The following PSME4 variants were observed in gnomAD, a reference collection of about 807,000 sequenced individuals.
The protein encoded by PSME4 is proteasome activator subunit 4.
A neutral mutation model predicts 253.9 loss-of-function variants in PSME4; 89 were observed. The ratio of observed to expected loss-of-function variants is 0.35; its 90% CI spans 0.30 to 0.42. The LOEUF is 0.42. Ranked by LOEUF, PSME4 falls within the 10% of genes least tolerant of loss-of-function variation. The pLI, the probability that PSME4 is intolerant of heterozygous loss-of-function variation, is 1.00. For missense variants in PSME4, 2,014 were observed against 2,195.2 expected, an observed-to-expected ratio of 0.92 and a Z score of 1.65; for synonymous variants, 851 against 759.2, an observed-to-expected ratio of 1.12 and a Z score of -1.99.
chr2:53,922,381 T>C, intron 17 of PSME4, 136 bp downstream of exon 17: 3 of 806,442 alleles, frequency 3.7e-6, no homozygotes, highest in Non-Finnish European at 2.0e-6. Flanking sequence ...CATATTCTGA[T>C]CTTCTGAAGC....
At chr2:53,967,184 T>C (rs1021018580) in intron 1 of PSME4, among the ~76,000 whole-genome samples, 3 of 152,202 alleles carry the variant, frequency 2.0e-5, no homozygotes, top group African/African-American at 7.2e-5. Context: ...CCTTGTGATG[T>C]GTTACATCAC....
intron 44 of PSME4, 24 bp downstream of exon 44, chr2:53,869,352 G>C: frequency 6.3e-7 from 1 of 1,580,152 alleles, no homozygotes; most frequent in Non-Finnish European, 8.7e-7. Flanking sequence ...ATAGGATACA[G>C]GTGTTTCCTA....
At chr2:53,949,018 T>C (rs1051806495) in intron 2 of PSME4, 125 bp downstream of exon 2, 5 of 1,252,770 alleles carry the variant, frequency 4.0e-6, no homozygotes, top group South Asian at 3.8e-5. Flanking sequence ...ATAATGTTTT[T>C]TGCAATCATT....
chr2:53,920,422 CA>C, intron 18 of PSME4, 72 bp from the exon 19 acceptor site: 1 of 1,366,556 alleles, frequency 7.3e-7, no homozygotes. Flanking sequence ...CATACATATA[CA>C]CAATTTTTAA....
chr2:53,869,710 T>G, intron 43 of PSME4, 172 bp from the exon 44 acceptor site: 1 of 450,798 alleles, frequency 2.2e-6, no homozygotes, highest in Admixed American at 3.7e-5. Context: ...CTCAAAGAGT[T>G]TGTGGCCTCA....
intron 11 of PSME4, among the ~76,000 whole-genome samples, 163 bp downstream of exon 11, chr2:53,927,950 AAAAT>A (rs988027256): frequency 6.6e-6 from 1 of 152,202 alleles, no homozygotes; most frequent in Non-Finnish European, 1.5e-5. Context: ...ACTCCGTCTC[AAAAT>A]AAATAAATAA....
rs117091627 is a variant in PSME4, at chr2:53,896,175, C to T, written c.3689-439G>A. On this transcript the variant is annotated intron_variant, in intron 32 of 46. Coordinates refer to ENST00000404125, the MANE Select transcript of PSME4 (RefSeq NM_014614.3). Reference sequence around the variant, plus strand: ...CTAAACTATGAGTATAAACTGTAGACATCATCTCAAATAATCAAAATACAA... The same window carrying T: ...CTAAACTATGAGTATAAACTGTAGATATCATCTCAAATAATCAAAATACAA... 1.0e-3 allele frequency among the ~76,000 whole-genome samples: 153 copies of T among 152,212 alleles called. 1 individual carries two copies. The East Asian group carries it at 0.018, about 18-fold the overall frequency.
rs569876587 is a variant in PSME4 at position 53,958,596 on chromosome 2, T to A, written c.243-9313A>T. On this transcript the variant is annotated intron_variant, in intron 1 of 46. Coordinates refer to ENST00000404125, the MANE Select transcript of PSME4 (RefSeq NM_014614.3). ...ATTCCTCTCCCAAGAGGCGCTTCCT[T>A]TAAAGTCAGATTCAGGACAATAATG... Among the ~76,000 whole-genome samples the A allele has an allele frequency of 7.9e-5, 12 of 152,296 alleles. 1 individual carries two copies. The highest frequency in any genetic ancestry group is 2.6e-4 in the African/African-American group (11 of 41,552).
At chr2:53,892,771 TAACAGGA>T (rs1341560613) in intron 36 of PSME4, 30 bp downstream of exon 36, 1 of 1,571,608 alleles carries the variant, frequency 6.4e-7, no homozygotes, top group Admixed American at 1.9e-5. Context: ...AACATAGCTT[TAACAGGA>T]AATGTTCTGT....
intron 18 of PSME4, 34 bp downstream of exon 18, chr2:53,920,855 T>C (rs530855559): frequency 1.3e-6 from 2 of 1,513,876 alleles, no homozygotes; most frequent in Admixed American, 1.8e-5. Flanking sequence ...AAAATCAACA[T>C]ATTCTTGAAT....
intron 31 of PSME4, 90 bp downstream of exon 31, chr2:53,897,780 C>T: frequency 7.3e-7 from 1 of 1,377,996 alleles, no homozygotes; most frequent in Non-Finnish European, 1.0e-6. Flanking sequence ...TATTTATTAA[C>T]CAAGTGTGTA....
chr2:53,892,427 G>C, intron 36 of PSME4, among the ~76,000 whole-genome samples: 1 of 152,216 alleles, frequency 6.6e-6, no homozygotes, highest in Admixed American at 6.5e-5. Flanking sequence ...GAGGCTAAGA[G>C]AAAGGACTTA....
At chr2:53,949,646 C>G (rs1669885462) in intron 1 of PSME4, among the ~76,000 whole-genome samples, 1 of 151,990 alleles carries the variant, frequency 6.6e-6, no homozygotes, top group Admixed American at 6.6e-5. Flanking sequence ...ACGCCAGTCA[C>G]AAAAGACAAA....
intron 26 of PSME4, 99 bp downstream of exon 26, chr2:53,906,499 G>C: frequency 7.3e-7 from 1 of 1,376,906 alleles, no homozygotes; most frequent in Non-Finnish European, 9.5e-7. Context: ...TTCCAATTAT[G>C]GGTGAAATTA....
At position 53,904,154 on chromosome 2, in the gene PSME4, C is replaced by T. The variant is rs766320528; in HGVS notation, c.2946G>A (p.Val982=). The T allele has an allele frequency of 6.8e-6, 11 of 1,609,128 alleles. 1 individual carries two copies. The highest frequency in any genetic ancestry group is 8.5e-6 in the Non-Finnish European group (10 of 1,176,874). The part of the protein sequence containing the change: ...LRLSTSSYSQ[V]RNKAQQTFFA... ...AAAATGTTTGCTGAGCCTTATTTCT[C>T]ACCTGGAGGAAGTATTATTAACAAA... Residue 982 remains valine, a splice_region_variant and synonymous_variant, in exon 27 of 47, where the codon GTG becomes GTA. Coordinates refer to ENST00000404125, the MANE Select transcript of PSME4 (RefSeq NM_014614.3).
intron 43 of PSME4, among the ~76,000 whole-genome samples, chr2:53,871,280 C>G (rs1678861714): frequency 6.6e-6 from 1 of 151,618 alleles, no homozygotes; most frequent in South Asian, 2.1e-4. Context: ...GAGATGGAGT[C>G]TCGCTCTGTC....
In PSME4 at chr2:53,949,256, A is replaced by C. The variant is rs754657643; in HGVS notation, c.270T>G (p.Phe90Leu). 6.2e-7 allele frequency: 1 copy of C among 1,604,894 alleles called. No homozygotes were observed. Among genetic ancestry groups the C allele is most frequent in the East Asian group, 2.2e-5 (1 of 44,714 alleles). The stretch of plus-strand genomic sequence containing the variant: ...TAAAAAGAACATGATCTTCTTTGCT[A>C]AATTTTCTCCCATAAAGTCGAATAT... ...STYIRLYGRKFSKEDHVLFIK... is the reference protein window; with the variant it reads ...STYIRLYGRKLSKEDHVLFIK... Residue 90 changes from phenylalanine (F) to leucine (L), a missense_variant, in exon 2 of 47, where the codon TTT becomes TTG. Transcript: ENST00000404125.
At chr2:53,933,444 A>C (rs1668952045) in intron 8 of PSME4, among the ~76,000 whole-genome samples, 1 of 150,386 alleles carries the variant, frequency 6.6e-6, no homozygotes. Context: ...CAGTGGCACA[A>C]ACATGGTTCA....
In PSME4 at chr2:53,949,235, A is replaced by C. The variant is rs1362315167; in HGVS notation, c.291T>G (p.Leu97=). The part of the protein sequence containing the change: ...GRKFSKEDHV[L]FIKLLYELVS... ...CCAGCTCATACAATAACTTAATAAA[A>C]AGAACATGATCTTCTTTGCTAAATT... The change falls in exon 2 of 47, where the codon CTT becomes CTG. Residue 97 remains leucine, a synonymous_variant. Transcript: ENST00000404125. The C allele has an allele frequency of 1.2e-6, 2 of 1,610,834 alleles. No homozygotes were observed. Among genetic ancestry groups the C allele is most frequent in the East Asian group, 4.5e-5 (2 of 44,792 alleles).
Sources: gnomAD v4.1 joint callset for allele counts (sites outside exome capture counted in the v4.1 genomes callset) on GRCh38, gnomAD v4.1.1 for gene constraint, MANE v1.5 for transcripts, NCBI Gene and HGNC (gene_info 2026-07-23, HGNC 2026-07-21) for gene names.